Variants in EMSY observed in about 807,000 individuals in gnomAD.
EMSY encodes the protein BRCA2-interacting transcriptional repressor EMSY.
EMSY carries 26 observed loss-of-function variants against 134.6 expected under a neutral mutation model. That is an observed-to-expected ratio of 0.19 (90% CI 0.14 to 0.27). The LOEUF is 0.27. EMSY is among the 10% of genes least tolerant of loss of function. The probability of loss-of-function intolerance (pLI) is 1.00; values close to 1 mark genes in which losing one functional copy is unlikely to be tolerated. For synonymous variants in EMSY, 579 were observed against 577.8 expected (o/e 1.00, Z -0.03); for missense variants, 1,305 against 1,611.4 (o/e 0.81, Z 3.26).
chr11:76,505,817 C>T (rs1044225762), intron 9 of EMSY, among the ~76,000 whole-genome samples: 6 of 151,378 alleles, frequency 4.0e-5, no homozygotes, highest in African/African-American at 1.5e-4. Context: ...AGATCACGCC[C>T]CTGCACTCCA....
exon 5 of EMSY, chr11:76,458,262 C>G: frequency 6.2e-7 from 1 of 1,614,134 alleles, no homozygotes; most frequent in Non-Finnish European, 8.5e-7. Context: ...GCTCGTTCCC[C>G]AAACCGCCTT....
intron 8 of EMSY, among the ~76,000 whole-genome samples, chr11:76,481,017 C>CAGG (rs1341137762): frequency 1.3e-5 from 2 of 152,124 alleles, no homozygotes; most frequent in Non-Finnish European, 2.9e-5. Context: ...GAGCTAGCTG[C>CAGG]AGGAGGTCTT....
exon 14 of EMSY, chr11:76,528,441 T>A (rs1439782803): frequency 1.2e-6 from 2 of 1,609,682 alleles, no homozygotes; most frequent in Admixed American, 1.7e-5. Context: ...GTTCCTCTTC[T>A]ACAGAGTCCT....
intron 8 of EMSY, among the ~76,000 whole-genome samples, chr11:76,480,086 A>G (rs955571045): frequency 7.9e-5 from 12 of 152,344 alleles, no homozygotes; most frequent in East Asian, 5.8e-4. Flanking sequence ...AAGTTTGTCA[A>G]AGTCACCGCT....
Position 76,525,125 on chromosome 11 carries a change from CT to C in EMSY, c.1822-1336del, listed in dbSNP as rs201725236. Among the ~76,000 whole-genome samples the C allele has an allele frequency of 5.0e-3, 760 of 152,280 alleles. 4 individuals carry two copies. Among genetic ancestry groups the C allele is most frequent in the African/African-American group, 0.017 (722 of 41,560 alleles). ...AAGAGCTTTTTTGAAAAACAGGCTG[CT>C]AGTTGGTTTTGTTTGGCTTGAATGG... On this transcript the variant is annotated intron_variant, in intron 12 of 20. Transcript: ENST00000334736.
At chr11:76,499,065 G>A (rs1240890953) in intron 9 of EMSY, among the ~76,000 whole-genome samples, 3 of 151,936 alleles carry the variant, frequency 2.0e-5, no homozygotes, top group South Asian at 4.2e-4. Context: ...GGGTTTAAGC[G>A]AGTCTCCTGC....
chr11:76,520,662 A>G (rs1950608373), intron 11 of EMSY, among the ~76,000 whole-genome samples: 1 of 152,178 alleles, frequency 6.6e-6, no homozygotes, highest in South Asian at 2.1e-4. Context: ...ACCTTGGACT[A>G]ATGAGACATA....
At position 76,451,178 on chromosome 11, in the gene EMSY, C is replaced by A. The variant is rs2134805045; in HGVS notation, c.71-680C>A. On this transcript the variant is annotated intron_variant, in intron 2 of 20. Coordinates refer to ENST00000334736, the Ensembl canonical transcript of EMSY. ...AGTATTAGGATTCAGTATATTATGT[C>A]CTAGTTGCTGCAAGATCATTTCATG... is the stretch of plus-strand genomic sequence containing the variant. Among the ~76,000 whole-genome samples the A allele has an allele frequency of 2.0e-5, 3 of 152,200 alleles. 1 individual carries two copies. The highest frequency in any genetic ancestry group is 2.0e-4 in the Admixed American group (3 of 15,300).
chr11:76,549,613 G>A (rs1283224725), intron 20 of EMSY, among the ~76,000 whole-genome samples: 1 of 152,192 alleles, frequency 6.6e-6, no homozygotes, highest in African/African-American at 2.4e-5. Flanking sequence ...TAAAGGAGTG[G>A]AAAGATTGCT....
At position 76,450,626 on chromosome 11, in the gene EMSY, G is replaced by T. The variant is rs540118376; in HGVS notation, c.71-1232G>T. On this transcript the variant is annotated intron_variant, in intron 2 of 20. Transcript: ENST00000334736. Reference sequence around the variant, plus strand: ...CCTACCTCAGCCTCCTGAGTAGCTGGGACCACAGGCATGCACTACCACCCC... The same window carrying T: ...CCTACCTCAGCCTCCTGAGTAGCTGTGACCACAGGCATGCACTACCACCCC... 4.0e-5 allele frequency among the ~76,000 whole-genome samples: 6 copies of T among 151,740 alleles called. No individual in the cohort carries two copies. The South Asian group carries it at 6.3e-4, about 16-fold the overall frequency.
Position 76,476,312 on chromosome 11 carries a change from C to T in EMSY, c.1108+3472C>T, listed in dbSNP as rs185198559. Reference sequence around the variant, plus strand: ...CATTGACTAGAGGATACAAGTGTTACCAAATGGTTTTAATAGCTATTGATA... The same window carrying T: ...CATTGACTAGAGGATACAAGTGTTATCAAATGGTTTTAATAGCTATTGATA... On this transcript the variant is annotated intron_variant, in intron 8 of 20. Coordinates refer to ENST00000334736, the Ensembl canonical transcript of EMSY. Among the ~76,000 whole-genome samples, 6 of 152,232 alleles carry T rather than the reference C, an allele frequency of 3.9e-5. No individual in the cohort carries two copies. In the East Asian group the frequency reaches 1.2e-3, roughly 29 times the overall value.
chr11:76,483,532 G>A lies in EMSY; in HGVS notation c.1108+10692G>A, dbSNP rs146978904. ...CCATCTCATGTGAAAGACACACATA[G>A]GCTCAAAATAAAGGGATGGAGGAAT... On this transcript the variant is annotated intron_variant, in intron 8 of 20. Coordinates refer to ENST00000334736, the Ensembl canonical transcript of EMSY. Among the ~76,000 whole-genome samples, 154 of 152,256 alleles carry A rather than the reference G, an allele frequency of 1.0e-3. 1 individual carries two copies. The highest frequency in any genetic ancestry group is 3.6e-3 in the African/African-American group (149 of 41,548).
exon 3 of EMSY, chr11:76,451,943 A>C (rs562451809): frequency 6.3e-7 from 1 of 1,580,196 alleles, no homozygotes; most frequent in East Asian, 2.3e-5. Flanking sequence ...TTGGAGAACT[A>C]TCAAAAGTTC....
At chr11:76,470,673 T>C (rs1421980794) in intron 7 of EMSY, among the ~76,000 whole-genome samples, 4 of 152,134 alleles carry the variant, frequency 2.6e-5, no homozygotes, top group African/African-American at 9.7e-5. Flanking sequence ...TCTTATCATG[T>C]AGCAGCTAGA....
intron 8 of EMSY, among the ~76,000 whole-genome samples, chr11:76,491,453 T>G (rs2135707495): frequency 6.6e-6 from 1 of 152,212 alleles, no homozygotes; most frequent in East Asian, 1.9e-4. Context: ...AGTGCTGAGA[T>G]TATAGGCATG....
intron 17 of EMSY, 31 bp from the exon 19 acceptor site, chr11:76,542,185 G>T (rs1334454350): frequency 6.2e-7 from 1 of 1,612,852 alleles, no homozygotes; most frequent in Non-Finnish European, 8.5e-7. Context: ...GGTGATTTCT[G>T]GAGAAATATC....
intron 20 of EMSY, among the ~76,000 whole-genome samples, chr11:76,549,406 A>C (rs941488144): frequency 1.3e-5 from 2 of 152,224 alleles, no homozygotes; most frequent in Non-Finnish European, 2.9e-5. Flanking sequence ...CTGACAAGGC[A>C]GTGTACCTAT....
chr11:76,498,187 C>T (rs1375705531), intron 9 of EMSY, among the ~76,000 whole-genome samples: 1 of 152,150 alleles, frequency 6.6e-6, no homozygotes, highest in African/African-American at 2.4e-5. Flanking sequence ...TCTGAGAACA[C>T]ACTGTATCAT....
intron 4 of EMSY, chr11:76,453,646 C>A: frequency 3.5e-6 from 1 of 287,638 alleles, no homozygotes; most frequent in Non-Finnish European, 6.5e-6. Flanking sequence ...AAAATCACCA[C>A]AATTTAGCAG....
Sources: gnomAD v4.1 joint callset for allele counts (sites outside exome capture counted in the v4.1 genomes callset) on GRCh38, gnomAD v4.1.1 for gene constraint, MANE v1.5 for transcripts, NCBI Gene and HGNC (gene_info 2026-07-23, HGNC 2026-07-21) for gene names.